GNB4: variants seen among roughly 807,000 people sequenced by gnomAD.
The protein encoded by GNB4 is G protein subunit beta 4.
Under a neutral mutation model 45.2 loss-of-function variants are expected in GNB4, and 28 were observed. The observed-to-expected ratio is 0.62, with a 90% confidence interval of 0.46 to 0.85. The LOEUF (loss-of-function observed/expected upper bound fraction) is 0.85. Ranked by LOEUF, GNB4 falls within the 40% of genes least tolerant of loss-of-function variation. The pLI, the probability that GNB4 is intolerant of heterozygous loss-of-function variation, is 0.00. For synonymous variants in GNB4, 132 were observed against 143.7 expected (o/e 0.92, Z 0.58); for missense variants, 321 against 425.4 (o/e 0.75, Z 2.16).
the GNB4 span, among the ~76,000 whole-genome samples, chr3:179,466,258 A>G: frequency 0.58 from 88,480 of 151,502 alleles, 25,980 homozygotes; most frequent in East Asian, 0.75. Flanking sequence ...TGATCCACCT[A>G]CCTCGGCCTC....
At chr3:179,434,318 A>G (rs1715387056) in intron 1 of GNB4, among the ~76,000 whole-genome samples, 2 of 152,214 alleles carry the variant, frequency 1.3e-5, no homozygotes, top group South Asian at 4.1e-4. Flanking sequence ...AAATCTTTAA[A>G]ATAATATTGG....
chr3:179,483,345 A>G, the GNB4 span, among the ~76,000 whole-genome samples: 30 of 152,062 alleles, frequency 2.0e-4, no homozygotes, highest in African/African-American at 7.0e-4. Flanking sequence ...TAAACTATAT[A>G]TATACTATTT....
the GNB4 span, among the ~76,000 whole-genome samples, chr3:179,470,479 T>C: frequency 1.2e-4 from 18 of 150,916 alleles, no homozygotes; most frequent in African/African-American, 4.4e-4. Context: ...AAAAAATTAA[T>C]TGAAAGAAGC....
intron 4 of GNB4, 65 bp from the exon 5 acceptor site, chr3:179,416,621 C>A: frequency 1.1e-6 from 1 of 916,712 alleles, no homozygotes; most frequent in South Asian, 1.5e-5. Flanking sequence ...ATTGGTTATG[C>A]ATTGCATTAA....
the GNB4 span, chr3:179,465,240 G>T: frequency 1.4e-6 from 2 of 1,467,892 alleles, no homozygotes; most frequent in African/African-American, 2.8e-5. Flanking sequence ...GAAGGAGTCA[G>T]ACAAAAAGCC....
In GNB4 at chr3:179,401,077, C is replaced by T; in HGVS notation, c.*136G>A. The T allele has an allele frequency of 1.8e-6, 1 of 541,734 alleles. No individual in the cohort carries two copies. The highest frequency in any genetic ancestry group is 3.0e-6 in the Non-Finnish European group (1 of 330,086). The allele number at this position is 541,734 out of a possible 1,614,324, so 33.6% of individuals were successfully genotyped here. ...CCCCCACTTTTTTTTTGGTAGTTTA[C>T]TGAAAGCTTGTTTTTGTAGATAATC... is the stretch of plus-strand genomic sequence containing the variant. On this transcript the variant is annotated 3_prime_UTR_variant, in exon 10 of 10. Transcript: ENST00000232564.
chr3:179,415,124 A>C, intron 5 of GNB4, 77 bp from the exon 6 acceptor site: 1 of 1,130,090 alleles, frequency 8.8e-7, no homozygotes, highest in Non-Finnish European at 1.2e-6. Context: ...CAATGAAGTA[A>C]ATATTATTAA....
chr3:179,520,297 T>G, the GNB4 span, among the ~76,000 whole-genome samples: 1 of 151,838 alleles, frequency 6.6e-6, no homozygotes, highest in East Asian at 1.9e-4. Flanking sequence ...TCGGCATAAT[T>G]CTCATAAAAA....
At chr3:179,525,880 G>T in the GNB4 span, among the ~76,000 whole-genome samples, 4 of 152,240 alleles carry the variant, frequency 2.6e-5, no homozygotes, top group African/African-American at 7.2e-5. Context: ...TTCACAGGTG[G>T]ATCTCCTCAT....
At chr3:179,499,055 G>T in the GNB4 span, among the ~76,000 whole-genome samples, 3 of 151,276 alleles carry the variant, frequency 2.0e-5, no homozygotes, top group Admixed American at 2.0e-4. Flanking sequence ...GAGAATGATG[G>T]TTTCCAGCGT....
chr3:179,475,298 T>A, the GNB4 span, among the ~76,000 whole-genome samples: 1 of 151,752 alleles, frequency 6.6e-6, no homozygotes, highest in Admixed American at 6.6e-5. Context: ...TTTGTATTTT[T>A]ATAATTGCAG....
chr3:179,489,002 AAAAAAAAAAAAAAAAAAATATATAT>A, the GNB4 span, among the ~76,000 whole-genome samples: 7 of 36,612 alleles, frequency 1.9e-4, no homozygotes, highest in East Asian at 1.8e-3. Flanking sequence ...AAAAAAAAAA[AAAAAAAAAAAAAAAAAAATATATAT>A]ATATATATAT....
chr3:179,459,514 C>G, the GNB4 span, among the ~76,000 whole-genome samples: 1 of 152,100 alleles, frequency 6.6e-6, no homozygotes, highest in Non-Finnish European at 1.5e-5. Flanking sequence ...GAAACCCTGT[C>G]TGCACTAAAA....
chr3:179,471,161 A>T, the GNB4 span, among the ~76,000 whole-genome samples: 1 of 139,394 alleles, frequency 7.2e-6, no homozygotes, highest in Non-Finnish European at 1.5e-5. Context: ...CCTGGGCAAC[A>T]GAGCGAGACT....
At chr3:179,472,395 A>C in the GNB4 span, among the ~76,000 whole-genome samples, 1 of 127,146 alleles carries the variant, frequency 7.9e-6, no homozygotes. Context: ...TTTAAGAGAC[A>C]GGGTCTTGCT....
At chr3:179,451,985 C>G (rs1351420749), upstream of GNB4, among the ~76,000 whole-genome samples, 1 of 152,140 alleles carries the variant, frequency 6.6e-6, no homozygotes, top group Non-Finnish European at 1.5e-5. Flanking sequence ...GACCGTGTAC[C>G]GTCTCGGGCC....
At chr3:179,506,337 C>G in the GNB4 span, among the ~76,000 whole-genome samples, 1 of 150,948 alleles carries the variant, frequency 6.6e-6, no homozygotes, top group Non-Finnish European at 1.5e-5. Flanking sequence ...GACCCTGTCT[C>G]CAAAAAAAGA....
chr3:179,419,415 A>G lies in GNB4; in HGVS notation c.187T>C (p.Trp63Arg). The change falls in exon 4 of 10, where the codon TGG becomes CGG. Residue 63 changes from tryptophan (W) to arginine (R), a missense_variant. Physicochemically the swap from Trp to Arg is moderately radical, Grantham distance 101. Transcript: ENST00000232564. ...GHLAKIYAMH[W>R]GYDSRLLVSA... is the part of the protein sequence containing the mutation. ...GGTACAAACCTGGAATCGTATCCCC[A>G]ATGCATAGCATAGATTTTAGCTAGG... The G allele has an allele frequency of 6.2e-7, 1 of 1,604,194 alleles. No individual in the cohort carries two copies. The highest frequency in any genetic ancestry group is 8.5e-7 in the Non-Finnish European group (1 of 1,170,966).
the GNB4 span, among the ~76,000 whole-genome samples, chr3:179,510,781 T>A: frequency 6.6e-6 from 1 of 152,174 alleles, no homozygotes; most frequent in East Asian, 1.9e-4. Context: ...GACATAAGCA[T>A]GTGTGAAGCA....
Sources: allele counts gnomAD v4.1 joint callset (sites outside exome capture counted in the v4.1 genomes callset), GRCh38; gene constraint gnomAD v4.1.1; transcripts MANE v1.5; gene names NCBI Gene and HGNC (gene_info 2026-07-23, HGNC 2026-07-21).